The following EPHA6 variants were observed in gnomAD, a reference collection of about 807,000 sequenced individuals.
EPHA6 encodes the protein EPH receptor A6, also known as ephrin type-A receptor 6.
In EPHA6, 50 loss-of-function variants were observed where a neutral mutation model predicts 112.0. The observed-to-expected ratio is 0.45, with a 90% CI of 0.36 to 0.56. The LOEUF is 0.56. Among genes scored for constraint, EPHA6 ranks in the 20% least tolerant of loss-of-function variants. The pLI, the probability that EPHA6 is intolerant of heterozygous loss-of-function variation, is 0.00. For synonymous variants in EPHA6, 529 were observed against 490.7 expected (o/e 1.08, Z -1.03); for missense variants, 1,280 against 1,417.4 (o/e 0.90, Z 1.56).
chr3:97,584,751 G>A (rs1275562841), intron 11 of EPHA6, among the ~76,000 whole-genome samples: 3 of 152,134 alleles, frequency 2.0e-5, no homozygotes, highest in Non-Finnish European at 2.9e-5. Context: ...ATGGAGACAT[G>A]AAATGGTCTC....
At chr3:97,223,694 A>G (rs1258482734) in intron 3 of EPHA6, among the ~76,000 whole-genome samples, 33 of 152,182 alleles carry the variant, frequency 2.2e-4, no homozygotes, top group Admixed American at 2.2e-3. Flanking sequence ...TAAGGAGATC[A>G]TCAGCTACTG....
chr3:96,942,699 T>A (rs187768435), intron 2 of EPHA6, among the ~76,000 whole-genome samples: 1 of 152,352 alleles, frequency 6.6e-6, no homozygotes, highest in Non-Finnish European at 1.5e-5. Flanking sequence ...ACCGGTCTTC[T>A]GCTTTGCTCA....
chr3:97,626,393 A>G (rs2093856777), intron 13 of EPHA6, among the ~76,000 whole-genome samples: 1 of 151,856 alleles, frequency 6.6e-6, no homozygotes, highest in Admixed American at 6.6e-5. Flanking sequence ...GTGATTTTCT[A>G]CATGAACACT....
At chr3:97,594,344 G>C (rs191156188) in intron 12 of EPHA6, among the ~76,000 whole-genome samples, 19 of 152,290 alleles carry the variant, frequency 1.2e-4, no homozygotes, top group Non-Finnish European at 2.4e-4. Context: ...GAACATTCTA[G>C]CACTCTATTC....
chr3:97,292,994 C>T (rs1345953572), intron 5 of EPHA6, among the ~76,000 whole-genome samples: 2 of 149,068 alleles, frequency 1.3e-5, no homozygotes, highest in Admixed American at 1.3e-4. Flanking sequence ...CCCATGGTGT[C>T]TAACTCCTTT....
At chr3:97,652,054 C>A (rs1182025822) in intron 14 of EPHA6, among the ~76,000 whole-genome samples, 2 of 151,980 alleles carry the variant, frequency 1.3e-5, no homozygotes, top group African/African-American at 4.8e-5. Context: ...TATGTCAATG[C>A]ATACTCCATG....
At chr3:96,871,299 C>A (rs986687798) in intron 2 of EPHA6, among the ~76,000 whole-genome samples, 7 of 151,816 alleles carry the variant, frequency 4.6e-5, no homozygotes, top group African/African-American at 1.7e-4. Flanking sequence ...TAATAGTACT[C>A]ATATCATTAG....
At chr3:97,359,716 A>G (rs953076097) in intron 5 of EPHA6, among the ~76,000 whole-genome samples, 2 of 152,092 alleles carry the variant, frequency 1.3e-5, no homozygotes, top group Non-Finnish European at 2.9e-5. Flanking sequence ...ATCTGAAAAT[A>G]AGATTCTTCC....
At chr3:97,646,560 G>A (rs1049552124) in intron 14 of EPHA6, among the ~76,000 whole-genome samples, 6 of 151,916 alleles carry the variant, frequency 3.9e-5, no homozygotes, top group African/African-American at 1.5e-4. Flanking sequence ...TTCTTTGGAG[G>A]GCCAATTGTG....
intron 1 of EPHA6, among the ~76,000 whole-genome samples, chr3:96,860,041 G>T (rs2107421906): frequency 6.6e-6 from 1 of 152,244 alleles, no homozygotes; most frequent in Admixed American, 6.5e-5. Flanking sequence ...GGTAGGCATT[G>T]TAACTTACAG....
At chr3:97,227,106 G>A (rs1290573908) in intron 4 of EPHA6, among the ~76,000 whole-genome samples, 2 of 151,588 alleles carry the variant, frequency 1.3e-5, no homozygotes, top group African/African-American at 2.4e-5. Context: ...TTAATACATT[G>A]CTAAGTTATG....
chr3:97,002,804 G>A (rs2043717790), intron 3 of EPHA6, among the ~76,000 whole-genome samples: 1 of 151,806 alleles, frequency 6.6e-6, no homozygotes, highest in Non-Finnish European at 1.5e-5. Flanking sequence ...CAATATAAAG[G>A]AATATTTAAA....
At chr3:97,029,271 G>T (rs1489018703) in intron 3 of EPHA6, among the ~76,000 whole-genome samples, 2 of 151,238 alleles carry the variant, frequency 1.3e-5, no homozygotes, top group African/African-American at 2.4e-5. Context: ...GTAAGATCAA[G>T]TTATAAAAGT....
intron 5 of EPHA6, among the ~76,000 whole-genome samples, chr3:97,292,243 G>C (rs1420956458): frequency 6.6e-6 from 1 of 152,252 alleles, no homozygotes; most frequent in Non-Finnish European, 1.5e-5. Context: ...CGGCGTGTCA[G>C]AGCCCTGGCT....
chr3:97,732,236 T>C (rs898487643), intron 15 of EPHA6, among the ~76,000 whole-genome samples: 1 of 151,454 alleles, frequency 6.6e-6, no homozygotes, highest in African/African-American at 2.4e-5. Flanking sequence ...CTAAATCTAC[T>C]TGCATTCTAG....
chr3:97,080,886 A>G (rs2046699234), intron 3 of EPHA6, among the ~76,000 whole-genome samples: 1 of 152,030 alleles, frequency 6.6e-6, no homozygotes, highest in Non-Finnish European at 1.5e-5. Context: ...GACAAAGCAC[A>G]TAGACATATG....
At chr3:97,251,423 G>A (rs1171216256) in intron 5 of EPHA6, among the ~76,000 whole-genome samples, 3 of 151,830 alleles carry the variant, frequency 2.0e-5, no homozygotes, top group East Asian at 2.0e-4. Context: ...CCAGCTACTC[G>A]GGAGGCTGAA....
At chr3:97,493,999 A>G (rs1002651589) in intron 10 of EPHA6, among the ~76,000 whole-genome samples, 4 of 151,948 alleles carry the variant, frequency 2.6e-5, no homozygotes, top group Non-Finnish European at 5.9e-5. Context: ...AAAGATTTCA[A>G]AAAATCAATA....
chr3:96,859,704 A>G (rs1404173868), intron 1 of EPHA6, among the ~76,000 whole-genome samples: 1 of 152,060 alleles, frequency 6.6e-6, no homozygotes, highest in Non-Finnish European at 1.5e-5. Context: ...TGTTTTGGAG[A>G]GTATCCTACA....
Sources: allele counts gnomAD v4.1 joint callset (sites outside exome capture counted in the v4.1 genomes callset), GRCh38; gene constraint gnomAD v4.1.1; transcripts MANE v1.5; gene names NCBI Gene and HGNC (gene_info 2026-07-23, HGNC 2026-07-21).